The following CHD1 variants were observed in gnomAD, a reference collection of about 807,000 sequenced individuals.
CHD1 encodes ATP-dependent chromatin remodeler CHD1.
Under a neutral mutation model 224.2 loss-of-function variants are expected in CHD1, and 36 were observed. That is an observed-to-expected ratio of 0.16 (90% CI 0.12 to 0.21). The LOEUF (loss-of-function observed/expected upper bound fraction) is 0.21, where lower values mean the gene tolerates loss of function less well. Ranked by LOEUF, CHD1 falls within the 10% of genes least tolerant of loss-of-function variation. The probability of loss-of-function intolerance (pLI) is 1.00; values close to 1 mark genes in which losing one functional copy is unlikely to be tolerated. For synonymous variants in CHD1, 668 were observed against 658.3 expected, an observed-to-expected ratio of 1.01 and a Z score of -0.23; for missense variants, 1,378 against 1,994.8, an observed-to-expected ratio of 0.69 and a Z score of 5.89.
intron 22 of CHD1, among the ~76,000 whole-genome samples, chr5:98,880,586 T>TA (rs1411055652): frequency 6.6e-6 from 1 of 152,220 alleles, no homozygotes; most frequent in Admixed American, 6.5e-5. Context: ...TCAGTTGACT[T>TA]ACGTTGTTTT....
At chr5:98,901,163 T>A in intron 6 of CHD1, 23 bp downstream of exon 6, 1 of 1,591,528 alleles carries the variant, frequency 6.3e-7, no homozygotes, top group Non-Finnish European at 8.5e-7. Context: ...CAATCAATTT[T>A]CAGCACCAAA....
At chr5:98,885,545 A>G in intron 18 of CHD1, 33 bp downstream of exon 18, 4 of 1,306,752 alleles carry the variant, frequency 3.1e-6, no homozygotes, top group Non-Finnish European at 2.2e-6. Context: ...CTAAATCAAA[A>G]TTATTTATAA....
chr5:98,919,040 T>C (rs929232874), intron 2 of CHD1, among the ~76,000 whole-genome samples: 3 of 152,246 alleles, frequency 2.0e-5, no homozygotes, highest in Non-Finnish European at 4.4e-5. Context: ...ATAATCTTTC[T>C]TGAAGTTAAT....
chr5:98,862,398 T>C (rs757082321), intron 32 of CHD1, among the ~76,000 whole-genome samples: 2 of 152,070 alleles, frequency 1.3e-5, no homozygotes, highest in Non-Finnish European at 2.9e-5. Flanking sequence ...AGCACAGCCT[T>C]AGGATGTAAA....
At chr5:98,888,709 G>C (rs1451411357) in intron 16 of CHD1, among the ~76,000 whole-genome samples, 1 of 152,212 alleles carries the variant, frequency 6.6e-6, no homozygotes, top group Admixed American at 6.5e-5. Context: ...AGAAGTACCA[G>C]GAAGGGTTAA....
At chr5:98,910,717 G>T (rs1045712140) in intron 2 of CHD1, among the ~76,000 whole-genome samples, 5 of 151,840 alleles carry the variant, frequency 3.3e-5, no homozygotes, top group African/African-American at 1.2e-4. Context: ...TAAATAAATG[G>T]TAGCAGATTA....
At position 98,868,780 on chromosome 5, in the gene CHD1, T is replaced by C. The variant is rs1002603931; in HGVS notation, c.4108-145A>G. Reference sequence around the variant, plus strand: ...GAATATCCTCATCTATTTTAATTTGTTTTTTTCCCCAATTTTATTTGGGGA... The same window carrying C: ...GAATATCCTCATCTATTTTAATTTGCTTTTTTCCCCAATTTTATTTGGGGA... On this transcript the variant is annotated intron_variant, in intron 30 of 35. Transcript: ENST00000614616. 54 of 829,094 alleles carry C rather than the reference T, an allele frequency of 6.5e-5. 1 individual carries two copies. In the Admixed American group the frequency reaches 1.3e-3, roughly 20 times the overall value. 51.4% of individuals were successfully genotyped at this position (829,094 alleles called of 1,614,324 possible).
rs2112680884 is a variant in CHD1 at position 98,926,403 on chromosome 5, G to A, written c.-17C>T. On this transcript the variant is annotated 5_prime_UTR_variant, in exon 2 of 36. Coordinates refer to ENST00000614616, the MANE Select transcript of CHD1 (RefSeq NM_001270.4). ...TCCATTCATTGTAAATTATTATCAA[G>A]AAGTTTTAAAGTAAAATATAAATCT... The A allele has an allele frequency of 1.4e-6, 2 of 1,393,186 alleles. No homozygotes were observed. Among genetic ancestry groups the A allele is most frequent in the Middle Eastern group, 1.8e-4 (1 of 5,504 alleles). The allele number at this position is 1,393,186 out of a possible 1,614,324, so 86.3% of individuals were successfully genotyped here. A position where few individuals can be genotyped will look rare whatever the true frequency, so the allele number is the denominator to read the frequency against.
At chr5:98,865,241 C>G (rs931308994) in intron 31 of CHD1, among the ~76,000 whole-genome samples, 13 of 152,118 alleles carry the variant, frequency 8.5e-5, no homozygotes, top group African/African-American at 1.7e-4. Context: ...GTATGAATGC[C>G]AGTGTCGCTG....
At position 98,905,015 on chromosome 5, in the gene CHD1, T is replaced by C. The variant is rs751346326; in HGVS notation, c.137A>G (p.Gln46Arg). 2 of 1,570,990 alleles carry C rather than the reference T, an allele frequency of 1.3e-6. No individual in the cohort carries two copies. The highest frequency in any genetic ancestry group is 4.5e-5 in the East Asian group (2 of 44,624). ...GGAGTCAGAGTCACTGCTACCTGAC[T>C]GGCTACTGCTTCCATCACTACTGCT... ...SGSSSDGSSS[Q>R]SGSSDSDSGS... is the part of the protein sequence containing the mutation. Residue 46 changes from glutamine to arginine, a missense_variant, in exon 3 of 36, where the codon CAG becomes CGG. Physicochemically the swap from Gln to Arg is conservative, Grantham distance 43. Coordinates refer to ENST00000614616, the MANE Select transcript of CHD1 (RefSeq NM_001270.4).
intron 24 of CHD1, among the ~76,000 whole-genome samples, chr5:98,875,987 G>C (rs1749719550): frequency 6.6e-6 from 1 of 151,902 alleles, no homozygotes; most frequent in South Asian, 2.1e-4. Context: ...TTTTAACAGG[G>C]TTACTTTCAA....
intron 9 of CHD1, 103 bp from the exon 10 acceptor site, chr5:98,898,537 C>T (rs931033581): frequency 1.6e-6 from 2 of 1,244,750 alleles, no homozygotes; most frequent in Middle Eastern, 2.3e-4. Context: ...ATTTAGCTAT[C>T]TAGTTTACAA....
chr5:98,881,471 ACAG>A, intron 20 of CHD1, 96 bp from the exon 21 acceptor site: 1 of 593,798 alleles, frequency 1.7e-6, no homozygotes, highest in East Asian at 3.2e-5. Flanking sequence ...CACCTTTACA[ACAG>A]TTACATGAAG....
intron 12 of CHD1, among the ~76,000 whole-genome samples, 160 bp from the exon 13 acceptor site, chr5:98,894,846 A>G (rs1046587214): frequency 2.0e-5 from 3 of 151,036 alleles, no homozygotes; most frequent in African/African-American, 7.3e-5. Flanking sequence ...TTTGAGACAG[A>G]GTTTTGCTCT....
intron 31 of CHD1, among the ~76,000 whole-genome samples, chr5:98,865,309 G>A (rs931956504): frequency 6.6e-6 from 1 of 152,212 alleles, no homozygotes; most frequent in Non-Finnish European, 1.5e-5. Context: ...GATGCTACGA[G>A]GCTGGTTTCA....
intron 13 of CHD1, 49 bp downstream of exon 13, chr5:98,894,548 A>G: frequency 1.5e-6 from 1 of 681,888 alleles, no homozygotes; most frequent in Non-Finnish European, 2.5e-6. Flanking sequence ...TATGATAAAG[A>G]AAAAACTGAT....
chr5:98,886,026 A>C (rs562144031), intron 17 of CHD1: 2 of 164,264 alleles, frequency 1.2e-5, no homozygotes, highest in Admixed American at 6.3e-5. Flanking sequence ...GCAACCCATT[A>C]AACTGATTCA....
chr5:98,892,796 T>C (rs1157134609), intron 14 of CHD1, 83 bp from the exon 15 acceptor site: 2 of 818,994 alleles, frequency 2.4e-6, no homozygotes, highest in Non-Finnish European at 3.5e-6. Context: ...TTTAGGGGAG[T>C]CATTTATAAA....
chr5:98,918,782 T>C (rs1350896540), intron 2 of CHD1, among the ~76,000 whole-genome samples: 1 of 149,890 alleles, frequency 6.7e-6, no homozygotes, highest in African/African-American at 2.5e-5. Context: ...AAAAAAAAAC[T>C]TCCTCTCCAA....
Sources: allele counts gnomAD v4.1 joint callset (sites outside exome capture counted in the v4.1 genomes callset), GRCh38; gene constraint gnomAD v4.1.1; transcripts MANE v1.5; gene names NCBI Gene and HGNC (gene_info 2026-07-23, HGNC 2026-07-21).